The following THSD7A variants were observed in gnomAD, a reference collection of about 807,000 sequenced individuals.
THSD7A encodes the protein thrombospondin type 1 domain containing 7A.
THSD7A carries 96 observed loss-of-function variants against 231.3 expected under a neutral mutation model. That is an observed-to-expected ratio of 0.41 (90% CI 0.35 to 0.49). The LOEUF (loss-of-function observed/expected upper bound fraction) is 0.49, where lower values mean the gene tolerates loss of function less well. THSD7A is among the 20% of genes least tolerant of loss of function. The probability of loss-of-function intolerance (pLI) is 0.05; values close to 1 mark genes in which losing one functional copy is unlikely to be tolerated. For synonymous variants in THSD7A, 940 were observed against 743.3 expected, an observed-to-expected ratio of 1.26 and a Z score of -4.30; for missense variants, 2,290 against 2,070.2, an observed-to-expected ratio of 1.11 and a Z score of -2.06.
intron 1 of THSD7A, among the ~76,000 whole-genome samples, chr7:11,774,068 G>A (rs1302444684): frequency 6.6e-6 from 1 of 152,176 alleles, no homozygotes; most frequent in African/African-American, 2.4e-5. Flanking sequence ...AGCATTTGGT[G>A]ATAGTGGCTT....
At position 11,446,739 on chromosome 7, in the gene THSD7A, C is replaced by G. The variant is rs76659321; in HGVS notation, c.2801-415G>C. Among the ~76,000 whole-genome samples the G allele has an allele frequency of 1.8e-4, 28 of 152,200 alleles. No individual in the cohort carries two copies. In the East Asian group the frequency reaches 5.2e-3, roughly 28 times the overall value. ...TGCCATTGGCAATATTTCAAATGCA[C>G]CAAGCTTTAGTTCAGAGTGATGGAT... is the stretch of plus-strand genomic sequence containing the variant. On this transcript the variant is annotated intron_variant, in intron 12 of 27. Coordinates refer to ENST00000423059, the MANE Select transcript of THSD7A (RefSeq NM_015204.3). The surrounding 1 kb of genome is among the most constrained non-coding windows in gnomAD (Gnocchi z 4.0).
Position 11,745,466 on chromosome 7 carries a change from A to AT in THSD7A, c.190+86290dup, listed in dbSNP as rs540929102. Among the ~76,000 whole-genome samples, 248 of 152,078 alleles carry AT rather than the reference A, an allele frequency of 1.6e-3. 1 individual carries two copies. Among genetic ancestry groups the AT allele is most frequent in the African/African-American group, 5.7e-3 (235 of 41,532 alleles). On this transcript the variant is annotated intron_variant, in intron 1 of 27. Transcript: ENST00000423059. ...TAGTTTATTTATATCCCATTTGTCA[A>AT]TTTTGGCTTTTGTTGCCCTTGCTTT...
At chr7:11,784,269 T>A (rs2128175713) in intron 1 of THSD7A, among the ~76,000 whole-genome samples, 1 of 151,906 alleles carries the variant, frequency 6.6e-6, no homozygotes, top group African/African-American at 2.4e-5. Context: ...TACATCCTTT[T>A]TATTCTGCTT....
chr7:11,630,312 C>T (rs770835346), intron 2 of THSD7A, among the ~76,000 whole-genome samples: 5 of 151,972 alleles, frequency 3.3e-5, no homozygotes, highest in Non-Finnish European at 7.4e-5. Flanking sequence ...AAAGTCTGGG[C>T]CTGGAAAACA....
intron 13 of THSD7A, among the ~76,000 whole-genome samples, chr7:11,434,461 G>A (rs2128291390): frequency 6.6e-6 from 1 of 152,230 alleles, no homozygotes; most frequent in South Asian, 2.1e-4. Context: ...AATTATGAAT[G>A]TGGAGATAAA....
In THSD7A at chr7:11,444,038, CAT is replaced by C. The variant is rs1180526101; in HGVS notation, c.3064+2021_3064+2022del. On this transcript the variant is annotated intron_variant, in intron 13 of 27. Transcript: ENST00000423059. The surrounding 1 kb of genome is among the most constrained non-coding windows in gnomAD (Gnocchi z 4.2). ...AGACGACATTTATGTGGCTAACAAA[CAT>C]ATGAAAAAAAGCTCATCATCACTGG... Among the ~76,000 whole-genome samples the C allele has an allele frequency of 4.6e-5, 7 of 151,994 alleles. No individual in the cohort carries two copies. The highest frequency in any genetic ancestry group is 1.4e-4 in the African/African-American group (6 of 41,388).
chr7:11,509,264 C>A (rs1200007578), intron 6 of THSD7A, among the ~76,000 whole-genome samples: 1 of 152,056 alleles, frequency 6.6e-6, no homozygotes, highest in African/African-American at 2.4e-5. Flanking sequence ...TTACGGCATG[C>A]ATAGCAATTG....
At chr7:11,747,979 G>A (rs1438731809) in intron 1 of THSD7A, among the ~76,000 whole-genome samples, 1 of 151,982 alleles carries the variant, frequency 6.6e-6, no homozygotes, top group Admixed American at 6.6e-5. Flanking sequence ...GAAGGCAGGA[G>A]AAGAGAGCAG....
intron 2 of THSD7A, among the ~76,000 whole-genome samples, chr7:11,624,680 G>T (rs1781423456): frequency 6.6e-6 from 1 of 152,008 alleles, no homozygotes; most frequent in Non-Finnish European, 1.5e-5. Context: ...TTTCATCAAT[G>T]ATTTATTTTT....
intron 17 of THSD7A, among the ~76,000 whole-genome samples, chr7:11,413,524 A>C (rs926135863): frequency 6.6e-6 from 1 of 152,216 alleles, no homozygotes; most frequent in Non-Finnish European, 1.5e-5. Flanking sequence ...GCAGTAAAAG[A>C]GATCTGATCT....
chr7:11,412,586 C>T lies in THSD7A; in HGVS notation c.3682+70G>A. On this transcript the variant is annotated intron_variant, in intron 18 of 27. Coordinates refer to ENST00000423059, the MANE Select transcript of THSD7A (RefSeq NM_015204.3). ...CACAGGTAGAGATGAACTATACTGA[C>T]AGGAATGCTTCAGAGCTGACAGACA... 2 of 1,575,838 alleles carry T rather than the reference C, an allele frequency of 1.3e-6. 1 individual carries two copies. The highest frequency in any genetic ancestry group is 2.3e-5 in the South Asian group (2 of 87,850).
chr7:11,466,313 A>G (rs555566076), intron 9 of THSD7A, among the ~76,000 whole-genome samples: 2 of 152,306 alleles, frequency 1.3e-5, no homozygotes, highest in East Asian at 3.9e-4. Flanking sequence ...AAATTGGTGT[A>G]ATTTCAAAAT....
intron 4 of THSD7A, among the ~76,000 whole-genome samples, chr7:11,549,921 AAAAC>A (rs1377290731): frequency 6.6e-6 from 1 of 152,128 alleles, no homozygotes; most frequent in Non-Finnish European, 1.5e-5. Flanking sequence ...CCCAGAACTT[AAAAC>A]AAACAAATGA....
intron 13 of THSD7A, among the ~76,000 whole-genome samples, chr7:11,431,629 G>C (rs1361054072): frequency 2.0e-5 from 3 of 152,090 alleles, no homozygotes; most frequent in East Asian, 3.9e-4. Context: ...AGAAGTGTGA[G>C]TCTTCCTATT....
At chr7:11,475,250 T>C (rs1233579324) in intron 7 of THSD7A, among the ~76,000 whole-genome samples, 2 of 152,148 alleles carry the variant, frequency 1.3e-5, no homozygotes, top group African/African-American at 2.4e-5. Flanking sequence ...TTCCTGCTAT[T>C]GTAGCCTGAA....
At chr7:11,653,355 C>T (rs1213126333) in intron 1 of THSD7A, among the ~76,000 whole-genome samples, 1 of 151,394 alleles carries the variant, frequency 6.6e-6, no homozygotes, top group African/African-American at 2.4e-5. Context: ...AGGGTTTTGT[C>T]CCCAAGCCAA....
At chr7:11,417,321 G>T in intron 17 of THSD7A, 129 bp downstream of exon 17, 1 of 893,778 alleles carries the variant, frequency 1.1e-6, no homozygotes, top group Non-Finnish European at 1.7e-6. Flanking sequence ...GACACACCTT[G>T]CTTTGCTAAA....
chr7:11,660,742 T>G (rs375683211), intron 1 of THSD7A, among the ~76,000 whole-genome samples: 271 of 151,520 alleles, frequency 1.8e-3, no homozygotes, highest in South Asian at 0.016. Context: ...AATGCAAACT[T>G]GTCATAACCA....
chr7:11,590,970 C>G lies in THSD7A; in HGVS notation c.1272-329G>C, dbSNP rs1024522472. Among the ~76,000 whole-genome samples, 2 of 152,012 alleles carry G rather than the reference C, an allele frequency of 1.3e-5. No homozygotes were observed. The highest frequency in any genetic ancestry group is 4.8e-5 in the African/African-American group (2 of 41,370). On this transcript the variant is annotated intron_variant, in intron 3 of 27. Transcript: ENST00000423059. The surrounding 1 kb of genome is among the most constrained non-coding windows in gnomAD (Gnocchi z 4.4). Reference sequence around the variant, plus strand: ...AACCCAGGCTTGCCCTTTCTTGTTGCCTATAAACAAAGGTGGATTGAATAT... The same window carrying G: ...AACCCAGGCTTGCCCTTTCTTGTTGGCTATAAACAAAGGTGGATTGAATAT...
Sources: gnomAD v4.1 joint callset for allele counts (sites outside exome capture counted in the v4.1 genomes callset) on GRCh38, gnomAD v4.1.1 for gene constraint, Gnocchi (gnomAD v3.1) non-coding constraint, MANE v1.5 for transcripts, NCBI Gene and HGNC (gene_info 2026-07-23, HGNC 2026-07-21) for gene names.